Variants in IL18RAP observed in about 807,000 individuals in gnomAD.
IL18RAP encodes interleukin-18 receptor accessory protein.
Under a neutral mutation model 58.1 loss-of-function variants are expected in IL18RAP, and 37 were observed. The ratio of observed to expected loss-of-function variants is 0.64; its 90% confidence interval spans 0.49 to 0.84. The LOEUF is 0.84. IL18RAP is among the 40% of genes least tolerant of loss of function. The pLI is 0.00. For missense variants in IL18RAP, 667 were observed against 704.8 expected, an observed-to-expected ratio of 0.95 and a Z score of 0.61; for synonymous variants, 268 against 257.5, an observed-to-expected ratio of 1.04 and a Z score of -0.39.
In IL18RAP at chr2:102,423,332, G is replaced by A. The variant is rs1681698423; in HGVS notation, c.55G>A (p.Gly19Arg). The A allele has an allele frequency of 1.2e-6, 2 of 1,613,860 alleles. No individual in the cohort carries two copies. Among genetic ancestry groups the A allele is most frequent in the East Asian group, 2.2e-5 (1 of 44,902 alleles). ...GCTTGTTGCAGGAGAGCGAATTAAA[G>A]GATTTAATATTTCAGGTAGGGGTTT... ...LWLVAGERIK[G>R]FNISGCSTKK... is the part of the protein sequence containing the mutation. Residue 19 changes from glycine (G) to arginine (R), a missense_variant, in exon 1 of 10, where the codon GGA becomes AGA. By Grantham distance (125) the Gly-to-Arg change is moderately radical. Transcript: ENST00000687160.
chr2:102,421,300 G>A (rs1356475078), upstream of IL18RAP, among the ~76,000 whole-genome samples: 2 of 152,170 alleles, frequency 1.3e-5, no homozygotes, highest in Non-Finnish European at 2.9e-5. Context: ...TCTTTATCCA[G>A]GTGGTCAGGG....
chr2:102,442,005 C>T (rs537605733), intron 5 of IL18RAP, among the ~76,000 whole-genome samples: 82 of 152,278 alleles, frequency 5.4e-4, no homozygotes, highest in African/African-American at 1.9e-3. Flanking sequence ...CAGGTGGTTT[C>T]GTACATGTTG....
Position 102,452,323 on chromosome 2 carries a change from T to C in IL18RAP, c.*142T>C. ...AGCACCAAGCAAGCTTGATGGACAA[T>C]GGAGTGGGATTGAGACTGTGGTTTA... On this transcript the variant is annotated 3_prime_UTR_variant, in exon 10 of 10. Transcript: ENST00000687160. 2.6e-6 allele frequency: 2 copies of C among 775,790 alleles called. No homozygotes were observed. Among genetic ancestry groups the C allele is most frequent in the Non-Finnish European group, 4.1e-6 (2 of 493,292 alleles). 48.1% of individuals were successfully genotyped at this position (775,790 alleles called of 1,614,324 possible). A position where few individuals can be genotyped will look rare whatever the true frequency, so the allele number is the denominator to read the frequency against.
intron 3 of IL18RAP, among the ~76,000 whole-genome samples, chr2:102,426,164 C>T (rs1681925313): frequency 1.3e-5 from 2 of 152,124 alleles, no homozygotes; most frequent in South Asian, 2.1e-4. Flanking sequence ...GAAAAAACAC[C>T]TAATGCCTTT....
chr2:102,434,309 C>T lies in IL18RAP; in HGVS notation c.580-2903C>T, dbSNP rs1205762301. ...ATTCTGAGTTGGCAGGCAAGTCTTT[C>T]CACAAAAACTGAAATCAAGCAAGTT... is the stretch of plus-strand genomic sequence containing the variant. On this transcript the variant is annotated intron_variant, in intron 3 of 9. Coordinates refer to ENST00000687160, the MANE Select transcript of IL18RAP (RefSeq NM_001393487.1). 4 of 152,154 alleles carry T rather than the reference C, an allele frequency of 2.6e-5. 1 individual carries two copies. Among genetic ancestry groups the T allele is most frequent in the Admixed American group, 2.0e-4 (3 of 15,282 alleles). The allele number at this position is 152,154 out of a possible 1,614,324, so 9.4% of individuals were successfully genotyped here. A position where few individuals can be genotyped will look rare whatever the true frequency, so the allele number is the denominator to read the frequency against.
intron 3 of IL18RAP, among the ~76,000 whole-genome samples, chr2:102,430,662 T>C (rs1682284564): frequency 6.6e-6 from 1 of 152,134 alleles, no homozygotes; most frequent in Non-Finnish European, 1.5e-5. Context: ...TGTGTCTTGA[T>C]GGCTTTCTTT....
intron 8 of IL18RAP, among the ~76,000 whole-genome samples, chr2:102,447,715 T>A (rs1044808688): frequency 6.9e-6 from 1 of 144,240 alleles, no homozygotes. Flanking sequence ...TTTATGTATG[T>A]ATGTATGTAT....
chr2:102,436,413 C>T (rs1466705224), intron 3 of IL18RAP, among the ~76,000 whole-genome samples: 1 of 152,032 alleles, frequency 6.6e-6, no homozygotes, highest in Admixed American at 6.6e-5. Context: ...CCTTGTATAC[C>T]ACTACCTCTT....
At position 102,423,977 on chromosome 2, in the gene IL18RAP, A is replaced by G. The variant is rs1681755564; in HGVS notation, c.237A>G (p.Leu79=). The G allele has an allele frequency of 6.2e-7, 1 of 1,613,984 alleles. No individual in the cohort carries two copies. Among genetic ancestry groups the G allele is most frequent in the African/African-American group, 1.3e-5 (1 of 74,908 alleles). ...EHLPFMGSND[L]SDVQWYQQPS... is the part of the protein sequence containing the mutation. ...TGCCCTTCATGGGTAGTAACGACCT[A>G]TCTGATGTCCAATGGTACCAACAAC... Residue 79 remains leucine, a synonymous_variant, in exon 2 of 10, where the codon CTA becomes CTG. Transcript: ENST00000687160.
At chr2:102,423,087 T>G, upstream of IL18RAP, 1 of 617,444 alleles carries the variant, frequency 1.6e-6, no homozygotes. Flanking sequence ...AAGGCCGGTT[T>G]GGGTAGGACC....
At chr2:102,435,163 G>C (rs2104337759) in intron 3 of IL18RAP, 1 of 152,292 alleles carries the variant, frequency 6.6e-6, no homozygotes. Flanking sequence ...GGCTCACTGT[G>C]GTGGGAGCTG....
At chr2:102,437,640 C>G (rs1034219934) in intron 4 of IL18RAP, among the ~76,000 whole-genome samples, 2 of 152,156 alleles carry the variant, frequency 1.3e-5, no homozygotes, top group Non-Finnish European at 2.9e-5. Flanking sequence ...ATTTCACACA[C>G]AGAAATATTG....
intron 6 of IL18RAP, among the ~76,000 whole-genome samples, chr2:102,444,156 T>G (rs915741739): frequency 6.6e-6 from 1 of 152,208 alleles, no homozygotes; most frequent in African/African-American, 2.4e-5. Context: ...GAAAATGCAA[T>G]ATCATTTTGA....
chr2:102,450,397 C>T (rs945556155), intron 8 of IL18RAP, among the ~76,000 whole-genome samples: 5 of 152,068 alleles, frequency 3.3e-5, no homozygotes, highest in African/African-American at 7.2e-5. Flanking sequence ...CACATATCAG[C>T]ATATGGGCCA....
At chr2:102,424,797 G>A (rs1681830126) in intron 3 of IL18RAP, among the ~76,000 whole-genome samples, 1 of 152,198 alleles carries the variant, frequency 6.6e-6, no homozygotes. Context: ...AGTCTTGAAG[G>A]GTTTGTGAAA....
At position 102,447,135 on chromosome 2, in the gene IL18RAP, C is replaced by G; in HGVS notation, c.1138C>G (p.Leu380Val). The G allele has an allele frequency of 1.2e-6, 2 of 1,614,098 alleles. No homozygotes were observed. Among genetic ancestry groups the G allele is most frequent in the Non-Finnish European group, 1.7e-6 (2 of 1,179,982 alleles). The change falls in exon 8 of 10, where the codon CTC becomes GTC. Residue 380 changes from leucine (L) to valine (V), a missense_variant. Coordinates refer to ENST00000687160, the MANE Select transcript of IL18RAP (RefSeq NM_001393487.1). ...GGTGGCCGTGCTGGCGGCGAGTGCC[C>G]TCCTCTACAGGCACTGGATTGAAAT... is the stretch of plus-strand genomic sequence containing the variant. ...TLVAVLAASA[L>V]LYRHWIEIVL...
In IL18RAP at chr2:102,451,962, G is replaced by GA; in HGVS notation, c.1587dup (p.Ala530SerfsTer21). 1 of 1,614,128 alleles carries GA rather than the reference G, an allele frequency of 6.2e-7. No individual in the cohort carries two copies. The highest frequency in any genetic ancestry group is 8.5e-7 in the Non-Finnish European group (1 of 1,180,018). On this transcript the variant is annotated frameshift_variant, in exon 10 of 10. Transcript: ENST00000687160. LOFTEE classifies it low-confidence loss of function (END_TRUNC). ...AGCCAGAGTCTCTACCTCATCTCGT[G>GA]AAAAAAGCTCTCAGGGTTTTGCCCA...
In IL18RAP at chr2:102,452,315, A is replaced by G. The variant is rs1683824810; in HGVS notation, c.*134A>G. 7.2e-6 allele frequency: 6 copies of G among 830,448 alleles called. No individual in the cohort carries two copies. The highest frequency in any genetic ancestry group is 1.7e-5 in the African/African-American group (1 of 58,276). 51.4% of individuals were successfully genotyped at this position (830,448 alleles called of 1,614,324 possible). On this transcript the variant is annotated 3_prime_UTR_variant, in exon 10 of 10. Transcript: ENST00000687160. ...CTCCTGCCAGCACCAAGCAAGCTTGATGGACAATGGAGTGGGATTGAGACT... is the reference window on the plus strand; with the variant it reads ...CTCCTGCCAGCACCAAGCAAGCTTGGTGGACAATGGAGTGGGATTGAGACT...
At chr2:102,419,812 T>C (rs1445078558), upstream of IL18RAP, 3 of 152,308 alleles carry the variant, frequency 2.0e-5, no homozygotes, top group Admixed American at 6.5e-5. Context: ...GTGATTATCA[T>C]TGAGAATGGG....
Sources: gnomAD v4.1 joint callset for allele counts (sites outside exome capture counted in the v4.1 genomes callset) on GRCh38, gnomAD v4.1.1 for gene constraint, MANE v1.5 for transcripts, NCBI Gene and HGNC (gene_info 2026-07-23, HGNC 2026-07-21) for gene names.